The following LINGO2 variants were observed in gnomAD, a reference collection of about 807,000 sequenced individuals.
LINGO2 encodes leucine rich repeat and Ig domain containing 2, also known as leucine-rich repeat and immunoglobulin-like domain-containing nogo receptor-interacting protein 2.
Under a neutral mutation model 30.6 loss-of-function variants are expected in LINGO2, and 14 were observed. The ratio of observed to expected loss-of-function variants is 0.46; its 90% CI spans 0.30 to 0.72. The LOEUF (loss-of-function observed/expected upper bound fraction) is 0.72. Ranked by LOEUF, LINGO2 falls within the 30% of genes least tolerant of loss-of-function variation. LINGO2 has a pLI of 0.07. For synonymous variants in LINGO2, 317 were observed against 288.5 expected (o/e 1.10, Z -1.00); for missense variants, 729 against 751.7 (o/e 0.97, Z 0.35).
the LINGO2 span, among the ~76,000 whole-genome samples, chr9:28,695,220 G>C: frequency 1.3e-5 from 2 of 151,826 alleles, no homozygotes; most frequent in African/African-American, 4.8e-5. Flanking sequence ...CAAAAACTTA[G>C]TATATTCATT....
the LINGO2 span, among the ~76,000 whole-genome samples, chr9:28,861,099 A>G: frequency 8.3e-6 from 1 of 120,578 alleles, no homozygotes; most frequent in Admixed American, 1.0e-4. Context: ...AATTATATAA[A>G]TATATAAAAT....
At chr9:28,816,372 T>G in the LINGO2 span, among the ~76,000 whole-genome samples, 16 of 152,334 alleles carry the variant, frequency 1.1e-4, no homozygotes, top group East Asian at 2.9e-3. Flanking sequence ...TCATTTATCA[T>G]CACTCACCTT....
intron 4 of LINGO2, among the ~76,000 whole-genome samples, chr9:28,027,508 C>A (rs1014563322): frequency 6.6e-6 from 1 of 152,100 alleles, no homozygotes; most frequent in Non-Finnish European, 1.5e-5. Flanking sequence ...ACGGCAAATA[C>A]TGGGGAAGCA....
intron 4 of LINGO2, among the ~76,000 whole-genome samples, chr9:28,166,074 T>A (rs922538229): frequency 1.3e-5 from 2 of 152,212 alleles, no homozygotes; most frequent in Admixed American, 1.3e-4. Context: ...TAAACAATTT[T>A]CATTAATGCA....
the LINGO2 span, among the ~76,000 whole-genome samples, chr9:29,196,368 A>G: frequency 6.6e-6 from 1 of 152,072 alleles, no homozygotes; most frequent in Non-Finnish European, 1.5e-5. Flanking sequence ...ATTTTATTAC[A>G]CTTTAAAGAA....
At chr9:27,940,578 A>G in the LINGO2 span, 1 of 152,218 alleles carries the variant, frequency 6.6e-6, no homozygotes, top group Admixed American at 6.5e-5. Context: ...GGGTTGTACA[A>G]TAAGCTTATC....
At chr9:28,518,359 T>C (rs1005390993) in intron 1 of LINGO2, among the ~76,000 whole-genome samples, 3 of 152,206 alleles carry the variant, frequency 2.0e-5, no homozygotes, top group Admixed American at 1.3e-4. Flanking sequence ...GTTAGTACTA[T>C]GTTCTAAACA....
intron 4 of LINGO2, among the ~76,000 whole-genome samples, chr9:28,236,954 G>A (rs1351758039): frequency 6.6e-6 from 1 of 152,084 alleles, no homozygotes; most frequent in Non-Finnish European, 1.5e-5. Flanking sequence ...TTGTCATCAT[G>A]TGATTATTAT....
chr9:28,686,060 T>C, the LINGO2 span, among the ~76,000 whole-genome samples: 59 of 151,852 alleles, frequency 3.9e-4, no homozygotes, highest in Non-Finnish European at 1.6e-4. Context: ...ATACATTGGA[T>C]AGTTTTAAAA....
chr9:28,689,608 G>T, the LINGO2 span, among the ~76,000 whole-genome samples: 1 of 152,118 alleles, frequency 6.6e-6, no homozygotes, highest in Non-Finnish European at 1.5e-5. Flanking sequence ...CACTGTTAGT[G>T]GGGTGTAAAT....
chr9:28,688,107 A>G, the LINGO2 span, among the ~76,000 whole-genome samples: 1 of 152,176 alleles, frequency 6.6e-6, no homozygotes, highest in South Asian at 2.1e-4. Context: ...ATTTACACAT[A>G]TGATACAAAT....
At chr9:28,633,669 A>T (rs1239473322) in intron 1 of LINGO2, among the ~76,000 whole-genome samples, 1 of 152,170 alleles carries the variant, frequency 6.6e-6, no homozygotes, top group Non-Finnish European at 1.5e-5. Context: ...CTATATTAAT[A>T]GGACTGAGAC....
chr9:28,543,776 C>T (rs1821811699), intron 1 of LINGO2, among the ~76,000 whole-genome samples: 1 of 151,886 alleles, frequency 6.6e-6, no homozygotes, highest in South Asian at 2.1e-4. Context: ...GTAGGTGTTG[C>T]TTCATTAATT....
At chr9:29,069,364 A>G in the LINGO2 span, among the ~76,000 whole-genome samples, 1 of 151,996 alleles carries the variant, frequency 6.6e-6, no homozygotes. Context: ...TTAGTATTAT[A>G]TAATGTATCC....
At chr9:28,068,929 AAC>A (rs1437253819) in intron 4 of LINGO2, among the ~76,000 whole-genome samples, 2 of 152,142 alleles carry the variant, frequency 1.3e-5, no homozygotes, top group South Asian at 4.1e-4. Context: ...CAGTGAACAA[AAC>A]ACACAGAATC....
intron 4 of LINGO2, among the ~76,000 whole-genome samples, chr9:28,125,404 C>G (rs1827208701): frequency 6.6e-6 from 1 of 152,146 alleles, no homozygotes; most frequent in Non-Finnish European, 1.5e-5. Flanking sequence ...AACAAAACTG[C>G]TTATATGCAG....
chr9:28,901,448 C>T, the LINGO2 span, among the ~76,000 whole-genome samples: 1 of 151,864 alleles, frequency 6.6e-6, no homozygotes, highest in East Asian at 1.9e-4. Context: ...TGTGCAATCA[C>T]TTATGTCTTA....
chr9:28,623,275 G>A (rs996816871), intron 1 of LINGO2, among the ~76,000 whole-genome samples: 1 of 152,016 alleles, frequency 6.6e-6, no homozygotes, highest in Non-Finnish European at 1.5e-5. Flanking sequence ...CCAGACCAAT[G>A]TCCTGTAGAG....
At chr9:28,266,593 T>A (rs1247585777) in intron 4 of LINGO2, among the ~76,000 whole-genome samples, 1 of 152,012 alleles carries the variant, frequency 6.6e-6, no homozygotes, top group Non-Finnish European at 1.5e-5. Context: ...GTTCTTCTCT[T>A]TGGTTATCTC....
Sources: allele counts gnomAD v4.1 joint callset (sites outside exome capture counted in the v4.1 genomes callset), GRCh38; gene constraint gnomAD v4.1.1; transcripts MANE v1.5; gene names NCBI Gene and HGNC (gene_info 2026-07-23, HGNC 2026-07-21).